The following CUBN variants were observed in gnomAD, a reference collection of about 807,000 sequenced individuals.
CUBN encodes 460 kDa receptor.
Under a neutral mutation model 405.3 loss-of-function variants are expected in CUBN, and 282 were observed. The ratio of observed to expected loss-of-function variants is 0.70; its 90% CI spans 0.63 to 0.77. The LOEUF (loss-of-function observed/expected upper bound fraction) is 0.77, where lower values mean the gene tolerates loss of function less well. Among genes scored for constraint, CUBN ranks in the 30% least tolerant of loss-of-function variants. The pLI, the probability that CUBN is intolerant of heterozygous loss-of-function variation, is 0.00. For missense variants in CUBN, 4,514 were observed against 4,475.2 expected, an observed-to-expected ratio of 1.01 and a Z score of -0.25; for synonymous variants, 1,684 against 1,617.0, an observed-to-expected ratio of 1.04 and a Z score of -0.99.
chr10:16,888,636 G>C, intron 55 of CUBN, 70 bp from the exon 56 acceptor site: 3 of 1,400,610 alleles, frequency 2.1e-6, no homozygotes, highest in South Asian at 2.3e-5. Context: ...ATGAAGGAAA[G>C]AGGCATTTTC....
chr10:16,875,391 G>A (rs748272863), intron 57 of CUBN, among the ~76,000 whole-genome samples: 17 of 152,184 alleles, frequency 1.1e-4, no homozygotes, highest in African/African-American at 1.4e-4. Context: ...TTATAATGGG[G>A]TTAACGCATT....
At chr10:17,113,875 G>C in intron 8 of CUBN, 152 bp downstream of exon 8, 1 of 786,106 alleles carries the variant, frequency 1.3e-6, no homozygotes, top group Non-Finnish European at 2.2e-6. Flanking sequence ...AATTGTGATA[G>C]CAGTGAGATC....
At chr10:16,901,949 A>ATATATATATACACCATATATAG (rs1841396535) in intron 51 of CUBN, among the ~76,000 whole-genome samples, 2 of 142,322 alleles carry the variant, frequency 1.4e-5, no homozygotes, top group Non-Finnish European at 3.0e-5. Context: ...TATATAGTAT[A>ATATATATATACACCATATATAG]TATATATATA....
rs1417885472 is a variant in CUBN at position 16,835,059 on chromosome 10, T to C, written c.10317A>G (p.Ser3439=). The part of the protein sequence containing the change: ...QNHTISLFFH[S]LGIENSVECR... ...ATTCAACTGAGTTCTCGATGCCAAGTGAATGAAAAAAGAGGGAAATGGTGT... is the reference window on the plus strand; with the variant it reads ...ATTCAACTGAGTTCTCGATGCCAAGCGAATGAAAAAAGAGGGAAATGGTGT... The change falls in exon 64 of 67, where the codon TCA becomes TCG. Residue 3439 remains serine (S), a synonymous_variant. Coordinates refer to ENST00000377833, the MANE Select transcript of CUBN (RefSeq NM_001081.4). The C allele has an allele frequency of 6.2e-7, 1 of 1,613,972 alleles. No individual in the cohort carries two copies. Among genetic ancestry groups the C allele is most frequent in the Non-Finnish European group, 8.5e-7 (1 of 1,180,014 alleles).
At chr10:17,100,888 G>C (rs1836479385) in intron 13 of CUBN, among the ~76,000 whole-genome samples, 2 of 152,042 alleles carry the variant, frequency 1.3e-5, no homozygotes, top group Admixed American at 1.3e-4. Context: ...AAGAATAACA[G>C]GAAAAATACT....
chr10:17,020,407 G>T, intron 27 of CUBN, among the ~76,000 whole-genome samples: 1 of 151,954 alleles, frequency 6.6e-6, no homozygotes, highest in East Asian at 1.9e-4. Context: ...ATATTTATAG[G>T]GTACATGAGA....
intron 48 of CUBN, 66 bp from the exon 49 acceptor site, chr10:16,907,745 A>T: frequency 6.4e-7 from 1 of 1,554,854 alleles, no homozygotes; most frequent in Non-Finnish European, 8.8e-7. Flanking sequence ...CTAGGAGGTG[A>T]TATTTCCAGC....
At chr10:17,066,063 G>T (rs1447272936) in intron 21 of CUBN, among the ~76,000 whole-genome samples, 1 of 152,116 alleles carries the variant, frequency 6.6e-6, no homozygotes, top group Non-Finnish European at 1.5e-5. Flanking sequence ...CCTAAAATGG[G>T]AATGATGACA....
chr10:16,941,315 A>G (rs1287776688), intron 36 of CUBN, among the ~76,000 whole-genome samples: 7 of 152,186 alleles, frequency 4.6e-5, no homozygotes, highest in African/African-American at 1.7e-4. Flanking sequence ...GAGAGAGGAA[A>G]AAAAGAACCT....
At position 16,825,069 on chromosome 10, in the gene CUBN, G is replaced by C; in HGVS notation, c.10778C>G (p.Ala3593Gly). Residue 3593 changes from alanine to glycine, a missense_variant, in exon 67 of 67, where the codon GCT becomes GGT. Physicochemically the swap from Ala to Gly is moderately conservative, Grantham distance 60. Transcript: ENST00000377833. ...CTGATTTGAGGAAGCCACGAAGGGA[G>C]CTATGCTGGTGTCCTAAAATTGAAA... is the stretch of plus-strand genomic sequence containing the variant. Reference protein sequence around the residue: ...GPYCGGDTSIAPFVASSNQVF... With the variant: ...GPYCGGDTSIGPFVASSNQVF... The C allele has an allele frequency of 6.2e-7, 1 of 1,612,254 alleles. No homozygotes were observed.
chr10:16,938,940 A>G, intron 38 of CUBN, 23 bp downstream of exon 38: 1 of 1,591,396 alleles, frequency 6.3e-7, no homozygotes. Context: ...ATTTATGAAC[A>G]TTGATTGCAT....
intron 28 of CUBN, among the ~76,000 whole-genome samples, chr10:17,001,663 G>A (rs1377976330): frequency 6.6e-6 from 1 of 152,192 alleles, no homozygotes; most frequent in Non-Finnish European, 1.5e-5. Flanking sequence ...TAGTGAATGA[G>A]ATGTCAATTA....
chr10:17,126,599 G>T (rs1043470228), intron 4 of CUBN, among the ~76,000 whole-genome samples, 162 bp downstream of exon 4: 3 of 152,200 alleles, frequency 2.0e-5, no homozygotes, highest in African/African-American at 7.2e-5. Flanking sequence ...CTCTGCATCT[G>T]CATCCTGGGA....
chr10:16,939,000 A>T lies in CUBN; in HGVS notation c.5696T>A (p.Ile1899Lys). The change falls in exon 38 of 67, where the codon ATA becomes AAA. Residue 1899 changes from isoleucine (I) to lysine (K), a missense_variant. Coordinates refer to ENST00000377833, the MANE Select transcript of CUBN (RefSeq NM_001081.4). ...VVHGRILEMD[I>K]EEIQNCYYDK... The stretch of plus-strand genomic sequence containing the variant: ...ATAATAGCAGTTTTGTATTTCTTCT[A>T]TGTCCATCTCCAAGATTCTACCATG... 1 of 1,613,838 alleles carries T rather than the reference A, an allele frequency of 6.2e-7. No individual in the cohort carries two copies. Among genetic ancestry groups the T allele is most frequent in the Non-Finnish European group, 8.5e-7 (1 of 1,179,792 alleles).
intron 62 of CUBN, 98 bp downstream of exon 62, chr10:16,840,232 A>G: frequency 9.0e-7 from 1 of 1,113,584 alleles, no homozygotes; most frequent in Admixed American, 1.9e-5. Context: ...ATTAAAAAAA[A>G]GAAAATTATT....
chr10:17,104,546 TG>T lies in CUBN; in HGVS notation c.1289del (p.Thr430LysfsTer8). The T allele has an allele frequency of 6.2e-7, 1 of 1,613,924 alleles. No homozygotes were observed. The highest frequency in any genetic ancestry group is 8.5e-7 in the Non-Finnish European group (1 of 1,179,988). On this transcript the variant is annotated frameshift_variant, in exon 12 of 67. Coordinates refer to ENST00000377833, the MANE Select transcript of CUBN (RefSeq NM_001081.4). LOFTEE classifies it high-confidence loss of function. The stretch of plus-strand genomic sequence containing the variant: ...TGCTCAAACACTCATTGATGTTTTC[TG>T]TACAGTTGACACCTGTCCAACCTGA... ...CDSGWTGVNC[T>X]ENINECLSNP...
At chr10:17,083,052 T>TA (rs373591672) in intron 17 of CUBN, among the ~76,000 whole-genome samples, 20 of 146,984 alleles carry the variant, frequency 1.4e-4, no homozygotes, top group East Asian at 4.0e-4. Flanking sequence ...TCTCAAAAGT[T>TA]AAAAAAAAAA....
In CUBN at chr10:16,840,952, C is replaced by T. The variant is rs1338615937; in HGVS notation, c.9759G>A (p.Thr3253=). The change falls in exon 61 of 67, where the codon ACG becomes ACA. Residue 3253 remains threonine (T), a synonymous_variant. Coordinates refer to ENST00000377833, the MANE Select transcript of CUBN (RefSeq NM_001081.4). ...ATGTTAAGTCACTGATGAATTGAAC[C>T]GTAAGGAAGTTACCAGAAGAGATAA... ...APFISSGNFL[T]VQFISDLTLE... The T allele has an allele frequency of 6.8e-6, 11 of 1,613,574 alleles. No individual in the cohort carries two copies. The highest frequency in any genetic ancestry group is 2.2e-5 in the East Asian group (1 of 44,874).
At chr10:17,056,221 C>T (rs1438781775) in intron 22 of CUBN, among the ~76,000 whole-genome samples, 1 of 151,956 alleles carries the variant, frequency 6.6e-6, no homozygotes, top group East Asian at 1.9e-4. Flanking sequence ...CAATTAAATA[C>T]CATTTGCTAA....
Sources: allele counts gnomAD v4.1 joint callset (sites outside exome capture counted in the v4.1 genomes callset), GRCh38; gene constraint gnomAD v4.1.1; transcripts MANE v1.5; gene names NCBI Gene and HGNC (gene_info 2026-07-23, HGNC 2026-07-21).